CSF2RA: variants seen among roughly 807,000 people sequenced by gnomAD.
The protein encoded by CSF2RA is colony stimulating factor 2 receptor subunit alpha, also known as granulocyte-macrophage colony-stimulating factor receptor subunit alpha.
A neutral mutation model predicts 51.6 loss-of-function variants in CSF2RA; 42 were observed. That is an observed-to-expected ratio of 0.81 (90% CI 0.64 to 1.05). CSF2RA has a LOEUF of 1.05. Ranked by LOEUF, CSF2RA falls within the 50% of genes least tolerant of loss-of-function variation. The pLI, the probability that CSF2RA is intolerant of heterozygous loss-of-function variation, is 0.00. For missense variants in CSF2RA, 530 were observed against 501.1 expected (o/e 1.06, Z -0.55); for synonymous variants, 222 against 193.0 (o/e 1.15, Z -1.24).
intron 4 of CSF2RA, among the ~76,000 whole-genome samples, chrX:1,287,500 C>G (rs763758269): frequency 5.3e-5 from 8 of 150,162 alleles, no homozygotes; most frequent in South Asian, 4.2e-4. Context: ...CTGGAGTGCA[C>G]TGGCGTGATC....
chrX:1,280,488 A>AGAAG (rs373692147), intron 2 of CSF2RA, among the ~76,000 whole-genome samples: 3 of 121,226 alleles, frequency 2.5e-5, no homozygotes, highest in Non-Finnish European at 4.9e-5. Context: ...AAAAAAAAAA[A>AGAAG]AAGAAGAAGA....
Position 1,288,578 on chromosome X carries a change from A to G in CSF2RA, c.279A>G (p.Thr93=), listed in dbSNP as rs140581875. 1,996 of 1,613,958 alleles carry G rather than the reference A, an allele frequency of 1.2e-3. 6 individuals are homozygous for G. The highest frequency in any genetic ancestry group is 0.01 in the Middle Eastern group (62 of 6,056). The change falls in exon 5 of 13, where the codon ACA becomes ACG. Residue 93 remains threonine, a synonymous_variant. Transcript: ENST00000381529. ...FREICLHEGV[T]FEVHVNTSQR... ...AAATTTGTCTGCATGAAGGAGTCAC[A>G]TTTGAGGTTCACGTGAATACTAGTC...
chrX:1,300,439 T>A (rs1569508950), intron 9 of CSF2RA, 52 bp from the exon 10 acceptor site: 7 of 1,606,410 alleles, frequency 4.4e-6, no homozygotes, highest in Non-Finnish European at 5.1e-6. Flanking sequence ...AAAGGCAACC[T>A]TTTCCTCCAC....
rs1301242541 is a variant in CSF2RA, at chrX:1,290,630, C to T, written c.646+121C>T. On this transcript the variant is annotated intron_variant, in intron 7 of 12. Transcript: ENST00000381529. The stretch of plus-strand genomic sequence containing the variant: ...CTGTAATCTCAGCACTTTGGGAGGC[C>T]GAGGCGGGCCGATCACCTGAGATCG... 6.7e-5 allele frequency: 65 copies of T among 969,250 alleles called. 2 individuals are homozygous for T. The highest frequency in any genetic ancestry group is 6.5e-4 in the South Asian group (50 of 77,096). 60.0% of individuals were successfully genotyped at this position (969,250 alleles called of 1,614,324 possible).
the CSF2RA span, among the ~76,000 whole-genome samples, chrX:1,322,782 T>G: frequency 6.6e-6 from 1 of 151,930 alleles, no homozygotes; most frequent in Admixed American, 6.6e-5. Context: ...CACGTTAACC[T>G]CAGAATGGGA....
the CSF2RA span, among the ~76,000 whole-genome samples, chrX:1,316,265 GATA>G: frequency 0.41 from 46,732 of 113,910 alleles, 7,680 homozygotes; most frequent in Middle Eastern, 0.52. Context: ...ATAGATGATA[GATA>G]GATAGATAGA....
intron 1 of CSF2RA, among the ~76,000 whole-genome samples, chrX:1,269,750 G>C (rs139718770): frequency 0.029 from 4,476 of 152,034 alleles, 200 homozygotes; most frequent in African/African-American, 0.1. Context: ...ACGGGTTCTG[G>C]GATCTTGCCC....
rs755828505 is a variant in CSF2RA, at chrX:1,300,633, G to A, written c.946+7G>A. On this transcript the variant is annotated splice_region_variant and intron_variant, in intron 10 of 12. Coordinates refer to ENST00000381529, the MANE Select transcript of CSF2RA (RefSeq NM_172245.4). ...AGTGAAGCCATTGAATTTGGTAAGC[G>A]TTGGGCGGAGGTAAGGGATGTTTGT... 2.9e-5 allele frequency: 46 copies of A among 1,613,868 alleles called. No homozygotes were observed. The African/African-American group carries it at 5.2e-4, about 18-fold the overall frequency.
At chrX:1,324,375 GAGAA>G in the CSF2RA span, among the ~76,000 whole-genome samples, 110 of 138,924 alleles carry the variant, frequency 7.9e-4, no homozygotes, top group African/African-American at 2.5e-3. Context: ...AGGAAAGAAA[GAGAA>G]AGAAAGAAGG....
chrX:1,300,926 G>A (rs1251831746), intron 10 of CSF2RA, among the ~76,000 whole-genome samples: 3 of 151,892 alleles, frequency 2.0e-5, no homozygotes, highest in Admixed American at 6.6e-5. Flanking sequence ...GGCTGAGGCC[G>A]GCGGATCACC....
intron 2 of CSF2RA, among the ~76,000 whole-genome samples, chrX:1,275,881 C>T (rs182394980): frequency 2.6e-5 from 4 of 151,154 alleles, no homozygotes; most frequent in East Asian, 2.0e-4. Flanking sequence ...TTAGTAGCGA[C>T]GGGGTTTCAC....
chrX:1,297,417 C>T (rs1307734800), intron 9 of CSF2RA, among the ~76,000 whole-genome samples: 1 of 5,088 alleles, frequency 2.0e-4, no homozygotes, highest in Non-Finnish European at 3.7e-4. Flanking sequence ...AGTCTCCTAC[C>T]CATGACCCCT....
intron 7 of CSF2RA, among the ~76,000 whole-genome samples, chrX:1,291,675 G>A (rs760315212): frequency 1.8e-4 from 27 of 151,856 alleles, no homozygotes; most frequent in Admixed American, 7.9e-4. Flanking sequence ...TGGAACCCCT[G>A]CCCCAGTGGG....
At chrX:1,280,437 C>T (rs1257259784) in intron 2 of CSF2RA, among the ~76,000 whole-genome samples, 1 of 147,140 alleles carries the variant, frequency 6.8e-6, no homozygotes, top group South Asian at 2.1e-4. Context: ...CACCACTGCA[C>T]TCCAGCCTGG....
chrX:1,302,872 T>G (rs2083135978), intron 10 of CSF2RA: 2 of 237,726 alleles, frequency 8.4e-6, no homozygotes, highest in East Asian at 7.0e-5. Context: ...TAAATATTTT[T>G]ATTTATTTAT....
intron 9 of CSF2RA, among the ~76,000 whole-genome samples, chrX:1,297,696 T>C (rs1422220511): frequency 2.6e-5 from 1 of 38,120 alleles, no homozygotes; most frequent in Non-Finnish European, 5.6e-5. Flanking sequence ...CCCTACAGTC[T>C]CCTACTCATG....
chrX:1,278,942 C>G (rs2089547141), intron 2 of CSF2RA, among the ~76,000 whole-genome samples: 1 of 150,304 alleles, frequency 6.7e-6, no homozygotes, highest in Admixed American at 6.7e-5. Flanking sequence ...GAGGCTGAGG[C>G]AGTAGAATCA....
intron 4 of CSF2RA, among the ~76,000 whole-genome samples, chrX:1,287,892 A>G (rs772700662): frequency 1.5e-5 from 2 of 137,144 alleles, no homozygotes; most frequent in South Asian, 2.4e-4. Context: ...GCCTGCCACC[A>G]CACCTGGCTA....
chrX:1,305,818 T>C (rs1454600635), intron 12 of CSF2RA: 3 of 1,541,562 alleles, frequency 1.9e-6, no homozygotes, highest in South Asian at 1.2e-5. Flanking sequence ...CGGTGGCTCA[T>C]GCCTGTCATC....
Sources: allele counts gnomAD v4.1 joint callset (sites outside exome capture counted in the v4.1 genomes callset), GRCh38; gene constraint gnomAD v4.1.1; transcripts MANE v1.5; gene names NCBI Gene and HGNC (gene_info 2026-07-23, HGNC 2026-07-21).